CLSTN2: variants seen among roughly 807,000 people sequenced by gnomAD.
CLSTN2 encodes the protein calsyntenin 2.
In CLSTN2, 48 loss-of-function variants were observed where a neutral mutation model predicts 101.2. That is an observed-to-expected ratio of 0.47 (90% CI 0.38 to 0.60). CLSTN2 has a LOEUF of 0.60. Ranked by LOEUF, CLSTN2 falls within the 20% of genes least tolerant of loss-of-function variation. CLSTN2 has a pLI of 0.00. For synonymous variants in CLSTN2, 481 were observed against 463.6 expected, an observed-to-expected ratio of 1.04 and a Z score of -0.48; for missense variants, 1,160 against 1,238.2, an observed-to-expected ratio of 0.94 and a Z score of 0.95.
chr3:140,066,663 A>G (rs1576415282), intron 1 of CLSTN2, among the ~76,000 whole-genome samples: 1 of 152,204 alleles, frequency 6.6e-6, no homozygotes, highest in Admixed American at 6.5e-5. Flanking sequence ...TGGGTGGGGG[A>G]ACTCTACTTA....
At chr3:139,945,481 C>T (rs946055274) in intron 1 of CLSTN2, among the ~76,000 whole-genome samples, 1 of 152,190 alleles carries the variant, frequency 6.6e-6, no homozygotes, top group Non-Finnish European at 1.5e-5. Flanking sequence ...TTTCTTTATA[C>T]TGTCTTATTA....
chr3:140,345,540 G>A (rs1309233125), intron 2 of CLSTN2, among the ~76,000 whole-genome samples: 3 of 151,428 alleles, frequency 2.0e-5, no homozygotes, highest in African/African-American at 4.9e-5. Flanking sequence ...ATGAGCCACC[G>A]CGCCCGGCCG....
At chr3:140,384,610 A>T (rs1044724706) in intron 2 of CLSTN2, among the ~76,000 whole-genome samples, 1 of 152,238 alleles carries the variant, frequency 6.6e-6, no homozygotes, top group Non-Finnish European at 1.5e-5. Flanking sequence ...TCGGATGAGA[A>T]TGAATGCTGG....
chr3:140,292,032 C>A (rs1415213496), intron 2 of CLSTN2, among the ~76,000 whole-genome samples: 1 of 152,120 alleles, frequency 6.6e-6, no homozygotes, highest in East Asian at 1.9e-4. Flanking sequence ...AAAACAAAAT[C>A]TAGATCATCT....
chr3:140,486,417 G>C (rs891552717), intron 8 of CLSTN2, among the ~76,000 whole-genome samples: 2 of 152,116 alleles, frequency 1.3e-5, no homozygotes, highest in Non-Finnish European at 2.9e-5. Context: ...TAAGGGCAAA[G>C]GAACAATAGA....
At chr3:139,980,729 A>G (rs1935899949) in intron 1 of CLSTN2, among the ~76,000 whole-genome samples, 1 of 152,132 alleles carries the variant, frequency 6.6e-6, no homozygotes, top group African/African-American at 2.4e-5. Context: ...CAGCCCCAGA[A>G]CAGTGCCACC....
At chr3:140,506,828 A>T (rs1162535009) in intron 8 of CLSTN2, 1 of 152,256 alleles carries the variant, frequency 6.6e-6, no homozygotes, top group South Asian at 2.1e-4. Flanking sequence ...GATTGGAAAG[A>T]GTACAAAAAC....
At chr3:139,955,643 A>G (rs1935381526) in intron 1 of CLSTN2, among the ~76,000 whole-genome samples, 4 of 152,296 alleles carry the variant, frequency 2.6e-5, no homozygotes, top group Admixed American at 2.6e-4. Flanking sequence ...CTGTGGATTC[A>G]GCTGAGTCCC....
chr3:140,520,729 T>A lies in CLSTN2; in HGVS notation c.1345-11595T>A, dbSNP rs976633845. 2.3e-4 allele frequency among the ~76,000 whole-genome samples: 35 copies of A among 152,338 alleles called. No individual in the cohort carries two copies. In the Middle Eastern group the frequency reaches 0.014, roughly 59 times the overall value. ...TGCCTGTCTTGCTAGGTTTGGGAAGTTCTGGATGATATCCTCAAGTATGTT... is the reference window on the plus strand; with the variant it reads ...TGCCTGTCTTGCTAGGTTTGGGAAGATCTGGATGATATCCTCAAGTATGTT... On this transcript the variant is annotated intron_variant, in intron 8 of 16. Transcript: ENST00000458420.
chr3:140,561,616 C>T (rs1194807651), intron 12 of CLSTN2, among the ~76,000 whole-genome samples: 3 of 152,138 alleles, frequency 2.0e-5, no homozygotes, highest in Non-Finnish European at 4.4e-5. Flanking sequence ...CTGGGTTAGA[C>T]ATTAAGGATT....
At chr3:140,269,441 T>C (rs368511861) in intron 2 of CLSTN2, among the ~76,000 whole-genome samples, 1 of 152,346 alleles carries the variant, frequency 6.6e-6, no homozygotes, top group Admixed American at 6.5e-5. Flanking sequence ...GATACATACC[T>C]GCTGGCAGGG....
chr3:139,964,915 T>C (rs950294960), intron 1 of CLSTN2, among the ~76,000 whole-genome samples: 6 of 152,184 alleles, frequency 3.9e-5, no homozygotes, highest in African/African-American at 1.4e-4. Context: ...GGGAATGACC[T>C]GTTTTGTCCT....
At chr3:139,997,261 A>G (rs1229406538) in intron 1 of CLSTN2, among the ~76,000 whole-genome samples, 1 of 152,128 alleles carries the variant, frequency 6.6e-6, no homozygotes, top group African/African-American at 2.4e-5. Flanking sequence ...TTGATGAATA[A>G]AAGTTTTTAA....
chr3:140,294,171 G>A lies in CLSTN2; in HGVS notation c.233-109458G>A, dbSNP rs143662734. On this transcript the variant is annotated intron_variant, in intron 2 of 16. Coordinates refer to ENST00000458420, the MANE Select transcript of CLSTN2 (RefSeq NM_022131.3). ...GTCTTGATTTGGTCATTCATGTGAT[G>A]TGACTATGAAGTTACCTAGCTTCTG... Among the ~76,000 whole-genome samples, 103 of 152,308 alleles carry A rather than the reference G, an allele frequency of 6.8e-4. 1 individual carries two copies. In the East Asian group the frequency reaches 0.017, roughly 26 times the overall value.
At chr3:139,972,654 T>C (rs538014924) in intron 1 of CLSTN2, among the ~76,000 whole-genome samples, 12 of 152,300 alleles carry the variant, frequency 7.9e-5, no homozygotes, top group African/African-American at 2.9e-4. Context: ...AGTCCATTGC[T>C]AGCACTCAGT....
Position 140,307,334 on chromosome 3 carries a change from C to A in CLSTN2, c.233-96295C>A, listed in dbSNP as rs577444858. On this transcript the variant is annotated intron_variant, in intron 2 of 16. Coordinates refer to ENST00000458420, the MANE Select transcript of CLSTN2 (RefSeq NM_022131.3). ...TCTAGCTTCCTGCTACACACCTTGC[C>A]GGCCTCCTCCTGCTCTCCTTGCCCT... Among the ~76,000 whole-genome samples the A allele has an allele frequency of 2.0e-5, 3 of 152,288 alleles. No individual in the cohort carries two copies. In the South Asian group the frequency reaches 6.2e-4, roughly 32 times the overall value.
At chr3:140,319,906 T>A (rs2087265329) in intron 2 of CLSTN2, among the ~76,000 whole-genome samples, 1 of 152,260 alleles carries the variant, frequency 6.6e-6, no homozygotes, top group Non-Finnish European at 1.5e-5. Context: ...AGGCTGCTCT[T>A]GCTGCAAACA....
intron 1 of CLSTN2, among the ~76,000 whole-genome samples, chr3:139,981,234 C>G (rs907026378): frequency 6.6e-6 from 1 of 152,154 alleles, no homozygotes; most frequent in Non-Finnish European, 1.5e-5. Context: ...CACCCACCCC[C>G]GAATTGCCCT....
chr3:140,454,569 G>T (rs532047249), intron 6 of CLSTN2: 2 of 152,220 alleles, frequency 1.3e-5, no homozygotes, highest in Non-Finnish European at 2.9e-5. Flanking sequence ...TAGATTATCA[G>T]TCGGGGTAAG....
Sources: allele counts gnomAD v4.1 joint callset (sites outside exome capture counted in the v4.1 genomes callset), GRCh38; gene constraint gnomAD v4.1.1; transcripts MANE v1.5; gene names NCBI Gene and HGNC (gene_info 2026-07-23, HGNC 2026-07-21).